Variants in EYS observed in about 807,000 individuals in gnomAD.
EYS encodes the protein protein eyes shut homolog.
Under a neutral mutation model 282.1 loss-of-function variants are expected in EYS, and 250 were observed. That is an observed-to-expected ratio of 0.89 (90% CI 0.80 to 0.98). The LOEUF is 0.98. Ranked by LOEUF, EYS falls within the 50% of genes least tolerant of loss-of-function variation. The pLI is 0.00. For synonymous variants in EYS, 1,355 were observed against 1,282.9 expected (o/e 1.06, Z -1.20); for missense variants, 4,016 against 3,709.0 (o/e 1.08, Z -2.15).
chr6:64,255,493 T>C (rs1405798729), intron 30 of EYS, among the ~76,000 whole-genome samples: 37 of 152,084 alleles, frequency 2.4e-4, no homozygotes, highest in Admixed American at 2.4e-3. Flanking sequence ...ATTGTAAAAT[T>C]AAAGTTGTAC....
chr6:64,141,398 T>G (rs923148652), intron 31 of EYS, among the ~76,000 whole-genome samples: 1 of 152,208 alleles, frequency 6.6e-6, no homozygotes, highest in Non-Finnish European at 1.5e-5. Flanking sequence ...TCTCAGAAGC[T>G]CTGAGTTAAA....
At chr6:63,734,322 T>C (rs1316513919) in intron 41 of EYS, among the ~76,000 whole-genome samples, 1 of 152,004 alleles carries the variant, frequency 6.6e-6, no homozygotes, top group Non-Finnish European at 1.5e-5. Context: ...CAGTAGAAAA[T>C]TGTCTCTCTA....
At chr6:64,220,405 T>C (rs1277799833) in intron 31 of EYS, among the ~76,000 whole-genome samples, 5 of 152,180 alleles carry the variant, frequency 3.3e-5, no homozygotes, top group Admixed American at 6.6e-5. Context: ...TTCTTCCTTC[T>C]TGGGCAGCTG....
chr6:64,435,167 A>G (rs1774698571), intron 28 of EYS, among the ~76,000 whole-genome samples: 1 of 152,082 alleles, frequency 6.6e-6, no homozygotes, highest in Admixed American at 6.6e-5. Flanking sequence ...ACTAAGCATT[A>G]AGAAAAAAAA....
intron 22 of EYS, among the ~76,000 whole-genome samples, chr6:64,627,029 A>G (rs1478326765): frequency 6.6e-6 from 1 of 152,206 alleles, no homozygotes; most frequent in Non-Finnish European, 1.5e-5. Flanking sequence ...GGGACGCTTT[A>G]ATAAAAACCA....
intron 31 of EYS, among the ~76,000 whole-genome samples, chr6:64,111,120 T>C (rs1297746974): frequency 1.3e-5 from 2 of 151,916 alleles, no homozygotes; most frequent in African/African-American, 2.4e-5. Context: ...GAACATTTCA[T>C]AGTTTCTGTT....
chr6:65,576,164 G>A (rs1764659394), intron 2 of EYS, among the ~76,000 whole-genome samples: 1 of 151,974 alleles, frequency 6.6e-6, no homozygotes, highest in South Asian at 2.1e-4. Context: ...ATGAACATAC[G>A]TGCAAATTCC....
intron 11 of EYS, among the ~76,000 whole-genome samples, chr6:65,310,990 A>G (rs1769140981): frequency 6.6e-6 from 1 of 152,158 alleles, no homozygotes; most frequent in African/African-American, 2.4e-5. Context: ...TTGTTTTCCA[A>G]GCACATAATC....
intron 29 of EYS, among the ~76,000 whole-genome samples, chr6:64,318,431 G>T (rs976685655): frequency 6.6e-6 from 1 of 151,918 alleles, no homozygotes; most frequent in Non-Finnish European, 1.5e-5. Context: ...GAGGGCATTC[G>T]ATGTGATAAT....
chr6:65,280,865 A>AC (rs35574788), intron 12 of EYS, among the ~76,000 whole-genome samples: 2 of 135,938 alleles, frequency 1.5e-5, no homozygotes, highest in Non-Finnish European at 3.1e-5. Context: ...TAAAAAAAAA[A>AC]ATATATATAT....
At chr6:64,248,873 T>G (rs1309027518) in intron 30 of EYS, among the ~76,000 whole-genome samples, 2 of 151,824 alleles carry the variant, frequency 1.3e-5, no homozygotes, top group Admixed American at 6.6e-5. Flanking sequence ...CTGGGCAACA[T>G]GGTGAAACCC....
At chr6:64,805,370 AT>A (rs1480041893) in intron 22 of EYS, among the ~76,000 whole-genome samples, 1 of 151,968 alleles carries the variant, frequency 6.6e-6, no homozygotes, top group Non-Finnish European at 1.5e-5. Flanking sequence ...ACTCGTTTAA[AT>A]TTTTGATTGA....
At chr6:64,783,915 GAC>G (rs1220356625) in intron 22 of EYS, among the ~76,000 whole-genome samples, 1 of 152,060 alleles carries the variant, frequency 6.6e-6, no homozygotes, top group Admixed American at 6.5e-5. Context: ...TTATTTTAGA[GAC>G]AGAAAGTCTT....
intron 29 of EYS, among the ~76,000 whole-genome samples, chr6:64,346,970 T>C (rs1386623773): frequency 6.6e-6 from 1 of 151,388 alleles, no homozygotes; most frequent in Non-Finnish European, 1.5e-5. Flanking sequence ...TAAAAATGCT[T>C]AAAATAATGA....
chr6:65,573,866 C>T (rs1266788851), intron 2 of EYS, among the ~76,000 whole-genome samples: 4 of 152,170 alleles, frequency 2.6e-5, no homozygotes, highest in South Asian at 2.1e-4. Flanking sequence ...TCATGATCAC[C>T]TTGCATACTG....
At chr6:65,537,205 G>C (rs1366532257) in intron 2 of EYS, among the ~76,000 whole-genome samples, 1 of 152,068 alleles carries the variant, frequency 6.6e-6, no homozygotes, top group Non-Finnish European at 1.5e-5. Context: ...CAGGGGGCAG[G>C]GGGCAAGGGG....
chr6:64,685,594 C>G (rs1316587413), intron 22 of EYS, among the ~76,000 whole-genome samples: 2 of 152,180 alleles, frequency 1.3e-5, no homozygotes, highest in African/African-American at 4.8e-5. Flanking sequence ...TCTGCACCTG[C>G]TGGCTCCCTT....
At chr6:65,646,134 T>C (rs1767443016) in intron 1 of EYS, among the ~76,000 whole-genome samples, 1 of 152,082 alleles carries the variant, frequency 6.6e-6, no homozygotes, top group Admixed American at 6.6e-5. Context: ...ACTGATACTA[T>C]TCCACAAAGT....
intron 31 of EYS, among the ~76,000 whole-genome samples, chr6:64,154,010 A>T (rs1183945521): frequency 6.6e-6 from 1 of 152,250 alleles, no homozygotes; most frequent in East Asian, 1.9e-4. Context: ...TGATAGGATT[A>T]TTATAATACT....
Sources: gnomAD v4.1 joint callset for allele counts (sites outside exome capture counted in the v4.1 genomes callset) on GRCh38, gnomAD v4.1.1 for gene constraint, MANE v1.5 for transcripts, NCBI Gene and HGNC (gene_info 2026-07-23, HGNC 2026-07-21) for gene names.